The following ZCCHC7 variants were observed in gnomAD, a reference collection of about 807,000 sequenced individuals.
The protein encoded by ZCCHC7 is zinc finger CCHC-type containing 7.
A neutral mutation model predicts 52.0 loss-of-function variants in ZCCHC7; 35 were observed. The ratio of observed to expected loss-of-function variants is 0.67; its 90% confidence interval spans 0.51 to 0.89. The LOEUF is 0.89. Ranked by LOEUF, ZCCHC7 falls within the 40% of genes least tolerant of loss-of-function variation. ZCCHC7 has a pLI of 0.00. For synonymous variants in ZCCHC7, 217 were observed against 221.5 expected (o/e 0.98, Z 0.18); for missense variants, 574 against 649.1 (o/e 0.88, Z 1.26).
chr9:37,182,783 AC>A (rs1410153671), intron 2 of ZCCHC7, among the ~76,000 whole-genome samples: 2 of 152,238 alleles, frequency 1.3e-5, no homozygotes, highest in Non-Finnish European at 2.9e-5. Context: ...TGAGAGAATG[AC>A]ATCCTTTAAG....
chr9:37,264,040 A>C (rs981158199), intron 2 of ZCCHC7, among the ~76,000 whole-genome samples: 2 of 152,098 alleles, frequency 1.3e-5, no homozygotes, highest in East Asian at 3.8e-4. Context: ...TATGCATTAC[A>C]TTTCTAAGAT....
At chr9:37,289,650 A>G (rs1279858201) in intron 2 of ZCCHC7, among the ~76,000 whole-genome samples, 1 of 152,022 alleles carries the variant, frequency 6.6e-6, no homozygotes, top group African/African-American at 2.4e-5. Flanking sequence ...TTTTCTTCTC[A>G]GTGGAGTGAT....
intron 5 of ZCCHC7, among the ~76,000 whole-genome samples, chr9:37,313,295 GA>G (rs1440753924): frequency 6.7e-6 from 1 of 150,288 alleles, no homozygotes; most frequent in African/African-American, 2.5e-5. Flanking sequence ...ACTACTTCAA[GA>G]AAGTTAAGTT....
At chr9:37,216,503 C>T (rs1824513481) in intron 2 of ZCCHC7, among the ~76,000 whole-genome samples, 1 of 152,028 alleles carries the variant, frequency 6.6e-6, no homozygotes, top group African/African-American at 2.4e-5. Flanking sequence ...GGTGAAACCC[C>T]ATCTCTACTA....
intron 6 of ZCCHC7, among the ~76,000 whole-genome samples, chr9:37,341,940 T>C (rs1283135971): frequency 6.6e-6 from 1 of 152,100 alleles, no homozygotes; most frequent in Non-Finnish European, 1.5e-5. Flanking sequence ...AGGATGCAAA[T>C]TACAGGCCAT....
At chr9:37,121,767 C>T (rs1454020484) in intron 1 of ZCCHC7, 2 of 152,130 alleles carry the variant, frequency 1.3e-5, no homozygotes, top group African/African-American at 2.4e-5. Context: ...ATATATATAT[C>T]CCAAGAAGAG....
chr9:37,336,836 A>C, intron 6 of ZCCHC7, among the ~76,000 whole-genome samples: 1 of 152,078 alleles, frequency 6.6e-6, no homozygotes, highest in East Asian at 1.9e-4. Context: ...CCATGCCTTC[A>C]TCCCTCTATC....
intron 2 of ZCCHC7, among the ~76,000 whole-genome samples, chr9:37,254,841 T>TTTTTTTC (rs1427130616): frequency 6.9e-6 from 1 of 144,650 alleles, no homozygotes; most frequent in Non-Finnish European, 1.5e-5. Flanking sequence ...AAGTTTCTTT[T>TTTTTTTC]TTTTTTTTTT....
intron 2 of ZCCHC7, among the ~76,000 whole-genome samples, chr9:37,220,248 G>A (rs1824738237): frequency 6.6e-6 from 1 of 152,090 alleles, no homozygotes; most frequent in Non-Finnish European, 1.5e-5. Flanking sequence ...CAGTCAAAAT[G>A]GAAGGGCATC....
In ZCCHC7 at chr9:37,357,752, G is replaced by A. The variant is rs1821800872; in HGVS notation, c.*484G>A. 6.9e-6 allele frequency: 1 copy of A among 145,388 alleles called. No individual in the cohort carries two copies. Among genetic ancestry groups the A allele is most frequent in the African/African-American group, 2.6e-5 (1 of 39,144 alleles). 9.0% of individuals were successfully genotyped at this position (145,388 alleles called of 1,614,324 possible). On this transcript the variant is annotated 3_prime_UTR_variant, in exon 9 of 9. Transcript: ENST00000336755. The stretch of plus-strand genomic sequence containing the variant: ...AGATTTTCTTTCTGCTGAAGCTGTT[G>A]TCAGAATCTTCCTTTGGACAAAACA...
At chr9:37,189,878 C>G (rs1004802441) in intron 2 of ZCCHC7, among the ~76,000 whole-genome samples, 5 of 152,184 alleles carry the variant, frequency 3.3e-5, no homozygotes, top group African/African-American at 7.2e-5. Context: ...CATAGTTTAG[C>G]TCTCAGAGTC....
intron 2 of ZCCHC7, among the ~76,000 whole-genome samples, chr9:37,295,384 G>A (rs1828739466): frequency 6.6e-6 from 1 of 152,168 alleles, no homozygotes; most frequent in Admixed American, 6.5e-5. Flanking sequence ...GTATACAAAG[G>A]AATTTTATGT....
intron 2 of ZCCHC7, among the ~76,000 whole-genome samples, chr9:37,254,047 A>G (rs2133408780): frequency 6.6e-6 from 1 of 152,100 alleles, no homozygotes; most frequent in East Asian, 1.9e-4. Context: ...TGTTACCAGA[A>G]CATTAATGAT....
chr9:37,327,774 G>A, intron 5 of ZCCHC7, 25 bp from the exon 6 acceptor site: 11 of 1,612,696 alleles, frequency 6.8e-6, no homozygotes, highest in Non-Finnish European at 9.3e-6. Flanking sequence ...CATGCTCCCA[G>A]CTGATCAATA....
At chr9:37,241,908 C>T (rs1299348764) in intron 2 of ZCCHC7, among the ~76,000 whole-genome samples, 1 of 151,736 alleles carries the variant, frequency 6.6e-6, no homozygotes, top group Non-Finnish European at 1.5e-5. Context: ...TCAGTAGTGG[C>T]TCATCAGCTT....
intron 2 of ZCCHC7, among the ~76,000 whole-genome samples, chr9:37,231,956 T>C (rs908206830): frequency 2.0e-5 from 3 of 152,240 alleles, no homozygotes; most frequent in East Asian, 1.9e-4. Flanking sequence ...TTCTAAAATA[T>C]AATCCTGGAG....
chr9:37,242,396 G>T (rs878884459), intron 2 of ZCCHC7, among the ~76,000 whole-genome samples: 2 of 151,738 alleles, frequency 1.3e-5, no homozygotes, highest in Admixed American at 1.3e-4. Flanking sequence ...TGGAGTTTTG[G>T]TTATATAATT....
chr9:37,344,484 T>C (rs888769364), intron 6 of ZCCHC7, among the ~76,000 whole-genome samples: 1 of 152,186 alleles, frequency 6.6e-6, no homozygotes, highest in Non-Finnish European at 1.5e-5. Context: ...TTTACAGGTA[T>C]TTTTTTCAAA....
At chr9:37,297,633 G>C (rs1452055583) in intron 2 of ZCCHC7, among the ~76,000 whole-genome samples, 2 of 152,196 alleles carry the variant, frequency 1.3e-5, no homozygotes, top group African/African-American at 4.8e-5. Context: ...ATAAGAAGGA[G>C]CTATATGGAA....
Sources: gnomAD v4.1 joint callset for allele counts (sites outside exome capture counted in the v4.1 genomes callset) on GRCh38, gnomAD v4.1.1 for gene constraint, MANE v1.5 for transcripts, NCBI Gene and HGNC (gene_info 2026-07-23, HGNC 2026-07-21) for gene names.